MAP3K7: variants seen among roughly 807,000 people sequenced by gnomAD.
The protein encoded by MAP3K7 is mitogen-activated protein kinase kinase kinase 7.
In MAP3K7, 21 loss-of-function variants were observed where a neutral mutation model predicts 84.8. That is an observed-to-expected ratio of 0.25 (90% CI 0.18 to 0.36). The LOEUF is 0.36. Ranked by LOEUF, MAP3K7 falls within the 10% of genes least tolerant of loss-of-function variation. The probability of loss-of-function intolerance (pLI) is 1.00; values close to 1 mark genes in which losing one functional copy is unlikely to be tolerated. For synonymous variants in MAP3K7, 241 were observed against 247.7 expected (o/e 0.97, Z 0.25); for missense variants, 503 against 747.7 (o/e 0.67, Z 3.82).
intron 7 of MAP3K7, among the ~76,000 whole-genome samples, chr6:90,552,864 G>A (rs1212006775): frequency 6.6e-6 from 1 of 152,178 alleles, no homozygotes; most frequent in East Asian, 1.9e-4. Context: ...CAAGTCAGAA[G>A]CATCTGGATT....
intron 1 of MAP3K7, among the ~76,000 whole-genome samples, chr6:90,582,209 A>C (rs1777294963): frequency 6.6e-6 from 1 of 152,234 alleles, no homozygotes; most frequent in South Asian, 2.1e-4. Flanking sequence ...ACTATAATAG[A>C]GTCGACATTA....
At chr6:90,585,775 T>C (rs1297592635) in intron 1 of MAP3K7, among the ~76,000 whole-genome samples, 1 of 152,232 alleles carries the variant, frequency 6.6e-6, no homozygotes, top group East Asian at 1.9e-4. Flanking sequence ...TAATATTATA[T>C]TCTGATTGTC....
chr6:90,580,194 G>A (rs1777222833), intron 1 of MAP3K7, among the ~76,000 whole-genome samples: 1 of 152,136 alleles, frequency 6.6e-6, no homozygotes, highest in Non-Finnish European at 1.5e-5. Context: ...TATTAGATAA[G>A]GAATGAGCCA....
chr6:90,553,180 C>A (rs1003378182), intron 7 of MAP3K7, among the ~76,000 whole-genome samples: 1 of 152,042 alleles, frequency 6.6e-6, no homozygotes, highest in African/African-American at 2.4e-5. Flanking sequence ...TAAGAGAGAG[C>A]CAACTGTCTA....
intron 15 of MAP3K7, among the ~76,000 whole-genome samples, chr6:90,518,915 T>C (rs1020504742): frequency 1.9e-4 from 29 of 151,946 alleles, no homozygotes; most frequent in African/African-American, 6.5e-4. Context: ...TCAGTCACTA[T>C]GAACATGAGA....
rs529596634 is a variant in MAP3K7, at chr6:90,516,041, C to A, written c.*460G>T. 6 of 169,944 alleles carry A rather than the reference C, an allele frequency of 3.5e-5. No individual in the cohort carries two copies. In the South Asian group the frequency reaches 5.9e-4, roughly 17 times the overall value. 10.5% of individuals were successfully genotyped at this position (169,944 alleles called of 1,614,324 possible). On this transcript the variant is annotated 3_prime_UTR_variant, in exon 17 of 17. Coordinates refer to ENST00000369329, the MANE Select transcript of MAP3K7 (RefSeq NM_145331.3). ...CACCAATCACTCTAAATTTATAATA[C>A]CCTGTCTTTAACTTGGTATATACCA...
chr6:90,583,747 C>A (rs753904119), intron 1 of MAP3K7, among the ~76,000 whole-genome samples: 2 of 152,146 alleles, frequency 1.3e-5, no homozygotes, highest in Non-Finnish European at 2.9e-5. Flanking sequence ...TCTAAATTTT[C>A]TTTTTCAGTC....
rs1444489902 is a variant in MAP3K7 at position 90,514,742 on chromosome 6, T to A, written c.*1759A>T. 1 of 151,960 alleles carries A rather than the reference T, an allele frequency of 6.6e-6. No homozygotes were observed. The highest frequency in any genetic ancestry group is 1.5e-5 in the Non-Finnish European group (1 of 67,920). 9.4% of individuals were successfully genotyped at this position (151,960 alleles called of 1,614,324 possible). On this transcript the variant is annotated 3_prime_UTR_variant, in exon 17 of 17. Coordinates refer to ENST00000369329, the MANE Select transcript of MAP3K7 (RefSeq NM_145331.3). ...TGACAGATGTACATACAAGCAACAATGCTATGGAGGAGTCATGCTTTATCC... is the reference window on the plus strand; with the variant it reads ...TGACAGATGTACATACAAGCAACAAAGCTATGGAGGAGTCATGCTTTATCC...
intron 3 of MAP3K7, among the ~76,000 whole-genome samples, chr6:90,566,950 C>A (rs536074724): frequency 7.3e-4 from 111 of 152,214 alleles, no homozygotes; most frequent in African/African-American, 2.7e-3. Flanking sequence ...CTGACAAAAA[C>A]AAGAAATGGG....
intron 13 of MAP3K7, among the ~76,000 whole-genome samples, chr6:90,526,242 C>T (rs1775317323): frequency 6.6e-6 from 1 of 152,018 alleles, no homozygotes; most frequent in African/African-American, 2.4e-5. Flanking sequence ...CCATAAAAAA[C>T]AAGCTTAATC....
In MAP3K7 at chr6:90,550,646, T is replaced by C. The variant is rs1776151943; in HGVS notation, c.868-97A>G. ...TTCCCTAAGTTATATACTAAATTTG[T>C]AGGTGCCTAAGTTTTTTATTTTACA... is the stretch of plus-strand genomic sequence containing the variant. On this transcript the variant is annotated intron_variant, in intron 8 of 16. Coordinates refer to ENST00000369329, the MANE Select transcript of MAP3K7 (RefSeq NM_145331.3). 8.6e-6 allele frequency: 6 copies of C among 699,886 alleles called. No individual in the cohort carries two copies. In the South Asian group the frequency reaches 1.2e-4, roughly 14 times the overall value. The allele number at this position is 699,886 out of a possible 1,614,324, so 43.4% of individuals were successfully genotyped here.
chr6:90,547,139 C>T, intron 11 of MAP3K7, 119 bp downstream of exon 11: 1 of 1,060,778 alleles, frequency 9.4e-7, no homozygotes, highest in East Asian at 2.6e-5. Context: ...TATTGTAAAC[C>T]TACTTCCTAT....
At chr6:90,548,798 G>A (rs987428565) in intron 9 of MAP3K7, among the ~76,000 whole-genome samples, 3 of 150,566 alleles carry the variant, frequency 2.0e-5, no homozygotes, top group Non-Finnish European at 4.4e-5. Flanking sequence ...GGCTAGTATG[G>A]TATCTCGGAG....
In MAP3K7 at chr6:90,536,334, T is replaced by C. The variant is rs1775676965; in HGVS notation, c.1356+3A>G. 2.5e-6 allele frequency: 4 copies of C among 1,609,260 alleles called. No individual in the cohort carries two copies. Among genetic ancestry groups the C allele is most frequent in the African/African-American group, 1.3e-5 (1 of 74,898 alleles). The stretch of plus-strand genomic sequence containing the variant: ...AAGATAGAAAATTTGAATGTTGTCT[T>C]ACCTGACCAGGTTCTGTTCCAGTTA... On this transcript the variant is annotated splice_donor_region_variant and intron_variant, in intron 13 of 16. Coordinates refer to ENST00000369329, the MANE Select transcript of MAP3K7 (RefSeq NM_145331.3).
intron 1 of MAP3K7, among the ~76,000 whole-genome samples, chr6:90,584,742 A>T (rs1347718731): frequency 6.6e-6 from 1 of 152,186 alleles, no homozygotes. Flanking sequence ...GTAGACCATA[A>T]AGCACAAGTT....
chr6:90,536,532 G>T, intron 12 of MAP3K7, 131 bp from the exon 13 acceptor site: 3 of 611,280 alleles, frequency 4.9e-6, no homozygotes, highest in Admixed American at 2.9e-5. Context: ...GGAAAAAAAA[G>T]TGAGTTTATT....
chr6:90,549,317 C>T (rs1266552258), intron 9 of MAP3K7, among the ~76,000 whole-genome samples: 2 of 151,988 alleles, frequency 1.3e-5, no homozygotes, highest in Non-Finnish European at 2.9e-5. Flanking sequence ...TGAGGAGAGG[C>T]TACAGTATAA....
chr6:90,566,034 C>T (rs1043426184), intron 3 of MAP3K7, among the ~76,000 whole-genome samples: 3 of 152,198 alleles, frequency 2.0e-5, no homozygotes, highest in African/African-American at 7.2e-5. Flanking sequence ...TAAAAACTCT[C>T]AATAAACTAG....
At chr6:90,536,077 A>G (rs1239239797) in intron 13 of MAP3K7, among the ~76,000 whole-genome samples, 1 of 152,130 alleles carries the variant, frequency 6.6e-6, no homozygotes, top group African/African-American at 2.4e-5. Flanking sequence ...ATAAAACCAT[A>G]TAACATATAT....
Sources: allele counts gnomAD v4.1 joint callset (sites outside exome capture counted in the v4.1 genomes callset), GRCh38; gene constraint gnomAD v4.1.1; transcripts MANE v1.5; gene names NCBI Gene and HGNC (gene_info 2026-07-23, HGNC 2026-07-21).